TNKS: variants seen among roughly 807,000 people sequenced by gnomAD.
TNKS encodes the protein poly [ADP-ribose] polymerase tankyrase-1.
A neutral mutation model predicts 135.8 loss-of-function variants in TNKS; 72 were observed. That is an observed-to-expected ratio of 0.53 (90% CI 0.44 to 0.64). The LOEUF (loss-of-function observed/expected upper bound fraction) is 0.64. Ranked by LOEUF, TNKS falls within the 30% of genes least tolerant of loss-of-function variation. The pLI is 0.00. For missense variants in TNKS, 1,769 were observed against 1,674.0 expected (o/e 1.06, Z -0.99); for synonymous variants, 849 against 649.3 (o/e 1.31, Z -4.68).
chr8:9,681,092 G>A (rs796580039), intron 5 of TNKS: 10 of 236,696 alleles, frequency 4.2e-5, no homozygotes, highest in African/African-American at 2.2e-4. Context: ...GCTCTTTTCT[G>A]GGTATGATAA....
Position 9,730,949 on chromosome 8 carries a change from C to G in TNKS, c.2061C>G (p.Pro687=). ...ACTTAGAGGGCCGGCATTCCACGCC[C>G]TTACACTTCGCAGCAGGCTACAACC... ...CRDLEGRHST[P]LHFAAGYNRV... The change falls in exon 14 of 27, where the codon CCC becomes CCG. Residue 687 remains proline (P), a synonymous_variant. Transcript: ENST00000310430. The G allele has an allele frequency of 1.2e-6, 2 of 1,614,116 alleles. No individual in the cohort carries two copies. The highest frequency in any genetic ancestry group is 1.7e-6 in the Non-Finnish European group (2 of 1,180,006).
At position 9,781,422 on chromosome 8, in the gene TNKS, G is replaced by A. The variant is rs1808452822; in HGVS notation, c.*4686G>A. ...CACACACCCGCGCACCCCTCCCAAA[G>A]TTCAGGATGAAAGGCTAGAAAACCC... On this transcript the variant is annotated 3_prime_UTR_variant, in exon 27 of 27. Transcript: ENST00000310430. 1 of 152,178 alleles carries A rather than the reference G, an allele frequency of 6.6e-6. No homozygotes were observed. Among genetic ancestry groups the A allele is most frequent in the Non-Finnish European group, 1.5e-5 (1 of 68,046 alleles). 9.4% of individuals were successfully genotyped at this position (152,178 alleles called of 1,614,324 possible). A position where few individuals can be genotyped will look rare whatever the true frequency, so the allele number is the denominator to read the frequency against.
At chr8:9,676,686 CTGTGTG>C (rs147459978) in intron 3 of TNKS, among the ~76,000 whole-genome samples, 57 of 147,882 alleles carry the variant, frequency 3.9e-4, no homozygotes, top group South Asian at 4.3e-4. Context: ...CTCTCTCTCT[CTGTGTG>C]TGTGTGTGTG....
At chr8:9,562,150 T>C (rs1454975633) in intron 1 of TNKS, among the ~76,000 whole-genome samples, 2 of 152,152 alleles carry the variant, frequency 1.3e-5, no homozygotes, top group East Asian at 1.9e-4. Flanking sequence ...GTCCTTTTTT[T>C]TTCTACTGGG....
chr8:9,632,607 A>G (rs1262721635), intron 3 of TNKS, among the ~76,000 whole-genome samples: 1 of 152,218 alleles, frequency 6.6e-6, no homozygotes, highest in East Asian at 1.9e-4. Context: ...AGAAATTGGT[A>G]TAGCATTTCA....
At chr8:9,701,320 G>A (rs1181698222) in intron 5 of TNKS, among the ~76,000 whole-genome samples, 1 of 152,172 alleles carries the variant, frequency 6.6e-6, no homozygotes, top group Non-Finnish European at 1.5e-5. Context: ...AGAAATAAAA[G>A]TTACTGAATG....
intron 3 of TNKS, among the ~76,000 whole-genome samples, chr8:9,646,208 T>C (rs1218168535): frequency 6.6e-6 from 1 of 152,162 alleles, no homozygotes; most frequent in Non-Finnish European, 1.5e-5. Context: ...ATTTCTTTTT[T>C]TATAGTATTT....
intron 3 of TNKS, among the ~76,000 whole-genome samples, chr8:9,678,505 T>TA (rs1426533015): frequency 6.6e-6 from 1 of 152,260 alleles, no homozygotes; most frequent in Non-Finnish European, 1.5e-5. Flanking sequence ...TTCTTAAACT[T>TA]ATAACTTTAT....
rs535966588 is a variant in TNKS at position 9,635,144 on chromosome 8, T to G, written c.994+19467T>G. On this transcript the variant is annotated intron_variant, in intron 3 of 26. Transcript: ENST00000310430. ...GAGACCGCGCCACTGCACTCCAGCC[T>G]GGACGACAGAGCGAGACTCCGTCTC... Among the ~76,000 whole-genome samples, 8 of 146,372 alleles carry G rather than the reference T, an allele frequency of 5.5e-5. No individual in the cohort carries two copies. The South Asian group carries it at 1.7e-3, about 31-fold the overall frequency.
intron 5 of TNKS, among the ~76,000 whole-genome samples, chr8:9,693,932 C>T (rs1032699279): frequency 8.5e-5 from 13 of 152,096 alleles, no homozygotes; most frequent in African/African-American, 3.1e-4. Context: ...CAATGGGTTT[C>T]CTAGGATCAG....
At chr8:9,650,610 C>T (rs1801111580) in intron 3 of TNKS, among the ~76,000 whole-genome samples, 1 of 152,026 alleles carries the variant, frequency 6.6e-6, no homozygotes, top group Admixed American at 6.6e-5. Flanking sequence ...ACTTGTGTAT[C>T]TTCTTTTGAG....
In TNKS at chr8:9,624,064, A is replaced by G. The variant is rs577229669; in HGVS notation, c.994+8387A>G. On this transcript the variant is annotated intron_variant, in intron 3 of 26. Coordinates refer to ENST00000310430, the MANE Select transcript of TNKS (RefSeq NM_003747.3). ...AAAAAACAACTAACTTTCTGTTTGG[A>G]TAATCTCACCACTCTAGTACTTCAA... is the stretch of plus-strand genomic sequence containing the variant. 2.6e-5 allele frequency among the ~76,000 whole-genome samples: 4 copies of G among 150,976 alleles called. No individual in the cohort carries two copies. The East Asian group carries it at 5.9e-4, about 22-fold the overall frequency.
At chr8:9,667,277 A>G (rs1374923183) in intron 3 of TNKS, among the ~76,000 whole-genome samples, 2 of 152,232 alleles carry the variant, frequency 1.3e-5, no homozygotes, top group African/African-American at 4.8e-5. Flanking sequence ...TCTTCATTTA[A>G]GAAACTGCTG....
At chr8:9,715,892 T>G (rs1804578910) in intron 11 of TNKS, among the ~76,000 whole-genome samples, 1 of 152,180 alleles carries the variant, frequency 6.6e-6, no homozygotes. Flanking sequence ...CATGTGGCAA[T>G]TTTTTCTTTA....
At chr8:9,761,835 A>C (rs1461320880) in intron 21 of TNKS, among the ~76,000 whole-genome samples, 199 bp downstream of exon 21, 1 of 152,032 alleles carries the variant, frequency 6.6e-6, no homozygotes, top group South Asian at 2.1e-4. Flanking sequence ...CTGTCTCCCA[A>C]CACTTTGTAT....
chr8:9,715,470 C>T (rs73662509), intron 11 of TNKS, among the ~76,000 whole-genome samples: 115 of 152,082 alleles, frequency 7.6e-4, no homozygotes, highest in African/African-American at 2.6e-3. Flanking sequence ...CCACCTGTAG[C>T]CTTTGATCAA....
chr8:9,667,099 A>T (rs948971924), intron 3 of TNKS, among the ~76,000 whole-genome samples: 5 of 152,152 alleles, frequency 3.3e-5, no homozygotes, highest in Non-Finnish European at 7.4e-5. Flanking sequence ...TGATAAATTT[A>T]TGGGAGGAAC....
intron 1 of TNKS, among the ~76,000 whole-genome samples, chr8:9,570,522 A>C (rs1797716860): frequency 6.6e-6 from 1 of 152,188 alleles, no homozygotes; most frequent in Non-Finnish European, 1.5e-5. Context: ...AGAATAACCA[A>C]CTGCTTGCAA....
intron 5 of TNKS, among the ~76,000 whole-genome samples, chr8:9,691,496 T>C (rs1418765437): frequency 2.0e-5 from 3 of 152,216 alleles, no homozygotes; most frequent in African/African-American, 7.2e-5. Context: ...CTGAACATCC[T>C]ATCTAGAACC....
Sources: allele counts gnomAD v4.1 joint callset (sites outside exome capture counted in the v4.1 genomes callset), GRCh38; gene constraint gnomAD v4.1.1; transcripts MANE v1.5; gene names NCBI Gene and HGNC (gene_info 2026-07-23, HGNC 2026-07-21).